The following CTBP2 variants were observed in gnomAD, a reference collection of about 807,000 sequenced individuals.
CTBP2 encodes C-terminal-binding protein 2.
Under a neutral mutation model 80.3 loss-of-function variants are expected in CTBP2, and 30 were observed. That is an observed-to-expected ratio of 0.37 (90% CI 0.28 to 0.51). CTBP2 has a LOEUF of 0.51. Among genes scored for constraint, CTBP2 ranks in the 20% least tolerant of loss-of-function variants. The pLI, the probability that CTBP2 is intolerant of heterozygous loss-of-function variation, is 0.93. For missense variants in CTBP2, 1,212 were observed against 1,375.3 expected, an observed-to-expected ratio of 0.88 and a Z score of 1.88; for synonymous variants, 594 against 587.4, an observed-to-expected ratio of 1.01 and a Z score of -0.16.
intron 1 of CTBP2, among the ~76,000 whole-genome samples, chr10:125,025,730 G>A (rs556299097): frequency 4.5e-4 from 68 of 152,146 alleles, no homozygotes; most frequent in Admixed American, 1.5e-3. Context: ...CTACAGAAAG[G>A]GCCACCCCTC....
At position 125,026,091 on chromosome 10, in the gene CTBP2, G is replaced by A. The variant is rs1359648693; in HGVS notation, c.1669C>T (p.Pro557Ser). ...GGGGAGGATGTATTACTTGGTTCTG[G>A]TGCAAGCATGGTGGACACGATGATG... The change falls in exon 1 of 9, where the codon CCA becomes TCA. Residue 557 changes from proline to serine, a missense_variant. Physicochemically the swap from Pro to Ser is moderately conservative, Grantham distance 74 (BLOSUM62 -1). Around this residue, in one of 3 missense-constraint regions of CTBP2, gnomAD observed 848 missense variants for 782.3 expected, o/e 1.08. Coordinates refer to ENST00000309035, the MANE Select transcript of CTBP2 (RefSeq NM_022802.3). The A allele has an allele frequency of 6.4e-7, 1 of 1,566,274 alleles. No homozygotes were observed. The highest frequency in any genetic ancestry group is 1.3e-5 in the African/African-American group (1 of 74,302).
intron 2 of CTBP2, among the ~76,000 whole-genome samples, chr10:125,097,703 A>G (rs1849750664): frequency 6.6e-6 from 1 of 152,150 alleles, no homozygotes. Flanking sequence ...GAGCATGTAC[A>G]TGTGCCTGAG....
intron 3 of CTBP2, among the ~76,000 whole-genome samples, chr10:125,034,381 T>C (rs1489165367): frequency 6.6e-6 from 1 of 152,234 alleles, no homozygotes; most frequent in Non-Finnish European, 1.5e-5. Context: ...CCTTGGCTGT[T>C]TCCTGAACCT....
chr10:125,006,490 C>A (rs1955259013), intron 1 of CTBP2, among the ~76,000 whole-genome samples: 1 of 152,326 alleles, frequency 6.6e-6, no homozygotes, highest in East Asian at 1.9e-4. Context: ...TGTCCACCCA[C>A]ACACCAGAGA....
intron 2 of CTBP2, among the ~76,000 whole-genome samples, chr10:125,068,539 G>A (rs1279742289): frequency 2.0e-5 from 3 of 152,204 alleles, no homozygotes; most frequent in Non-Finnish European, 2.9e-5. Context: ...CAGGGCAGCA[G>A]GAAGGCCAGG....
intron 8 of CTBP2, among the ~76,000 whole-genome samples, chr10:124,992,490 T>G (rs1286867306): frequency 1.3e-5 from 2 of 152,158 alleles, no homozygotes; most frequent in Non-Finnish European, 2.9e-5. Flanking sequence ...CACCCCCTTT[T>G]AAAATAGGAG....
chr10:125,031,488 CAAAAAAAAAAA>C (rs11463934), upstream of CTBP2, among the ~76,000 whole-genome samples: 490 of 33,744 alleles, frequency 0.015, 24 homozygotes, highest in African/African-American at 0.055. Context: ...GACTCCATTT[CAAAAAAAAAAA>C]AAAAAAAAAA....
At chr10:125,139,939 C>A (rs73379147) in intron 1 of CTBP2, among the ~76,000 whole-genome samples, 1 of 152,032 alleles carries the variant, frequency 6.6e-6, no homozygotes, top group Non-Finnish European at 1.5e-5. Flanking sequence ...GAAAGCAGAC[C>A]GGTGGCCACA....
At chr10:125,035,926 A>G (rs1958814687) in intron 3 of CTBP2, among the ~76,000 whole-genome samples, 1 of 152,216 alleles carries the variant, frequency 6.6e-6, no homozygotes, top group Admixed American at 6.5e-5. Context: ...TAATTCTTAC[A>G]TGGTATTATA....
chr10:125,002,689 T>C (rs1954694015), intron 3 of CTBP2, among the ~76,000 whole-genome samples: 1 of 152,174 alleles, frequency 6.6e-6, no homozygotes, highest in African/African-American at 2.4e-5. Flanking sequence ...TGTCTCCAAA[T>C]TGAGCCTGTG....
intron 1 of CTBP2, among the ~76,000 whole-genome samples, chr10:125,139,007 A>G (rs1379766065): frequency 4.6e-5 from 7 of 152,172 alleles, no homozygotes. Flanking sequence ...TGCATTAGCC[A>G]TTACTATTAT....
chr10:125,005,375 G>C (rs1252918783), intron 1 of CTBP2, among the ~76,000 whole-genome samples: 1 of 152,280 alleles, frequency 6.6e-6, no homozygotes, highest in South Asian at 2.1e-4. Context: ...CTGACGCTCA[G>C]ACACCAAAGG....
At chr10:125,010,924 C>T (rs950973531) in intron 1 of CTBP2, among the ~76,000 whole-genome samples, 2 of 152,206 alleles carry the variant, frequency 1.3e-5, no homozygotes, top group African/African-American at 4.8e-5. Flanking sequence ...GCAGCATATT[C>T]AGCCAGCCCA....
intron 1 of CTBP2, among the ~76,000 whole-genome samples, chr10:125,019,164 G>GTT (rs201077905): frequency 2.0e-5 from 3 of 152,230 alleles, no homozygotes; most frequent in Admixed American, 6.5e-5. Context: ...ACGAAGGCTA[G>GTT]TTTTTTTATC....
At chr10:124,993,087 G>T in intron 7 of CTBP2, 115 bp downstream of exon 9, 2 of 1,307,756 alleles carry the variant, frequency 1.5e-6, no homozygotes, top group Non-Finnish European at 2.1e-6. Context: ...ATATAAATTT[G>T]ATGCTAAAAG....
At chr10:125,094,648 G>A (rs1259835797) in intron 2 of CTBP2, among the ~76,000 whole-genome samples, 1 of 152,160 alleles carries the variant, frequency 6.6e-6, no homozygotes, top group Non-Finnish European at 1.5e-5. Flanking sequence ...GCCGGGGTGG[G>A]GAGGGAGGCA....
At chr10:125,153,956 C>T (rs188970962) in intron 1 of CTBP2, among the ~76,000 whole-genome samples, 2 of 152,336 alleles carry the variant, frequency 1.3e-5, no homozygotes, top group East Asian at 1.9e-4. Context: ...AAGACCTACA[C>T]ACACTGTCTC....
intron 2 of CTBP2, among the ~76,000 whole-genome samples, chr10:125,044,633 T>G (rs1960769450): frequency 6.6e-6 from 1 of 152,210 alleles, no homozygotes; most frequent in Admixed American, 6.5e-5. Flanking sequence ...CAGGGCACAG[T>G]GGCGTGTGCC....
intron 1 of CTBP2, among the ~76,000 whole-genome samples, chr10:125,155,615 A>T (rs1460156453): frequency 3.3e-5 from 5 of 152,146 alleles, no homozygotes; most frequent in African/African-American, 1.2e-4. Context: ...GGGCCACTGA[A>T]CACCTTTAAA....
Sources: allele counts gnomAD v4.1 joint callset (sites outside exome capture counted in the v4.1 genomes callset), GRCh38; gene constraint gnomAD v4.1.1; regional missense constraint gnomAD v4.1.1; transcripts MANE v1.5; gene names NCBI Gene and HGNC (gene_info 2026-07-23, HGNC 2026-07-21).